CDH17: variants seen among roughly 807,000 people sequenced by gnomAD.
CDH17 encodes cadherin-17.
In CDH17, 67 loss-of-function variants were observed where a neutral mutation model predicts 86.3. That is an observed-to-expected ratio of 0.78 (90% CI 0.64 to 0.95). The LOEUF is 0.95. Ranked by LOEUF, CDH17 falls within the 40% of genes least tolerant of loss-of-function variation. The pLI, the probability that CDH17 is intolerant of heterozygous loss-of-function variation, is 0.00. For missense variants in CDH17, 993 were observed against 1,017.6 expected, an observed-to-expected ratio of 0.98 and a Z score of 0.33; for synonymous variants, 367 against 366.4, an observed-to-expected ratio of 1.00 and a Z score of -0.02.
chr8:94,209,128 C>T (rs1431603828), upstream of CDH17, among the ~76,000 whole-genome samples: 19 of 152,192 alleles, frequency 1.2e-4, no homozygotes, highest in East Asian at 3.5e-3. Flanking sequence ...AGCAAATTTC[C>T]CCCAAACACA....
intron 10 of CDH17, among the ~76,000 whole-genome samples, chr8:94,164,420 T>C (rs565326141): frequency 1.3e-5 from 2 of 152,344 alleles, no homozygotes; most frequent in East Asian, 1.9e-4. Flanking sequence ...AATAGGTAAA[T>C]GCAGAATAAC....
intron 2 of CDH17, among the ~76,000 whole-genome samples, chr8:94,194,385 A>C (rs1019496091): frequency 2.0e-5 from 3 of 152,212 alleles, no homozygotes; most frequent in Admixed American, 1.3e-4. Context: ...AACATTACCC[A>C]TAACTGGTGT....
chr8:94,192,481 T>C (rs1813706921), intron 2 of CDH17, among the ~76,000 whole-genome samples: 1 of 152,178 alleles, frequency 6.6e-6, no homozygotes, highest in Admixed American at 6.5e-5. Context: ...ATGAAGAAAG[T>C]ATCTCCAGAG....
upstream of CDH17, among the ~76,000 whole-genome samples, chr8:94,209,415 C>G (rs1814086630): frequency 6.6e-6 from 1 of 152,166 alleles, no homozygotes; most frequent in African/African-American, 2.4e-5. Flanking sequence ...CTTGGCTTCT[C>G]CTGAGCTGAG....
intron 14 of CDH17, 136 bp downstream of exon 14, chr8:94,148,608 C>G: frequency 2.1e-6 from 1 of 484,856 alleles, no homozygotes; most frequent in East Asian, 4.4e-5. Context: ...GTACCCTTCT[C>G]ATCCTTCCAC....
intron 15 of CDH17, among the ~76,000 whole-genome samples, chr8:94,140,731 A>G (rs1316009835): frequency 1.3e-5 from 2 of 152,212 alleles, no homozygotes; most frequent in Non-Finnish European, 2.9e-5. Flanking sequence ...ATATCACTAC[A>G]TATTCTACAG....
chr8:94,200,537 GTTT>G (rs10600702), intron 1 of CDH17, among the ~76,000 whole-genome samples: 55 of 56,936 alleles, frequency 9.7e-4, no homozygotes, highest in East Asian at 3.6e-3. Flanking sequence ...ATTATCTTTT[GTTT>G]TTTTTTTTTT....
intron 3 of CDH17, among the ~76,000 whole-genome samples, chr8:94,184,982 C>T (rs1485259834): frequency 1.3e-5 from 2 of 152,096 alleles, no homozygotes; most frequent in Admixed American, 6.6e-5. Flanking sequence ...TCCTCCCCAC[C>T]ACTGAAGCAA....
rs780528050 is a variant in CDH17, at chr8:94,177,701, A to G, written c.171T>C (p.Ala57=). ...TCTCCCCAGTTAGTTCAAAAGTCAC[A>G]GCAGGAGGATTGGCCTTAAACTGGG... ...IIFQFKANPP[A]VTFELTGETD... Residue 57 remains alanine, a synonymous_variant, in exon 4 of 18, where the codon GCT becomes GCC. Coordinates refer to ENST00000027335, the MANE Select transcript of CDH17 (RefSeq NM_004063.4). 1.3e-5 allele frequency: 21 copies of G among 1,613,804 alleles called. No homozygotes were observed. The highest frequency in any genetic ancestry group is 3.4e-6 in the Non-Finnish European group (4 of 1,179,796).
intron 9 of CDH17, among the ~76,000 whole-genome samples, chr8:94,168,298 G>A (rs1813204703): frequency 1.9e-5 from 2 of 104,836 alleles, no homozygotes; most frequent in Admixed American, 2.0e-4. Context: ...GGTAATTTTT[G>A]CAGTTTTTTT....
chr8:94,182,183 G>A (rs1299577542), intron 3 of CDH17, among the ~76,000 whole-genome samples: 1 of 152,048 alleles, frequency 6.6e-6, no homozygotes, highest in East Asian at 1.9e-4. Context: ...CTTCACTAGT[G>A]AATTGTACCT....
chr8:94,152,629 C>G (rs531322363), intron 12 of CDH17, among the ~76,000 whole-genome samples: 37 of 152,280 alleles, frequency 2.4e-4, no homozygotes, highest in Middle Eastern at 3.4e-3. Context: ...AATTCCTTAC[C>G]TCAAGTGATC....
At chr8:94,152,225 G>A (rs527871049) in intron 12 of CDH17, 113 bp from the exon 13 acceptor site, 3 of 1,106,506 alleles carry the variant, frequency 2.7e-6, no homozygotes, top group African/African-American at 1.6e-5. Context: ...TGGAAAAACT[G>A]GATATCCACA....
chr8:94,191,832 T>G (rs1340101241), intron 2 of CDH17, among the ~76,000 whole-genome samples: 1 of 152,168 alleles, frequency 6.6e-6, no homozygotes, highest in Non-Finnish European at 1.5e-5. Context: ...TTATCTTCCT[T>G]TGGGAGGTCT....
At chr8:94,159,194 G>T (rs1039886078) in intron 12 of CDH17, among the ~76,000 whole-genome samples, 1 of 152,104 alleles carries the variant, frequency 6.6e-6, no homozygotes, top group African/African-American at 2.4e-5. Context: ...GGTATACATG[G>T]CAGGGGACAG....
Position 94,170,930 on chromosome 8 carries a change from G to A in CDH17, c.839C>T (p.Pro280Leu). Residue 280 changes from proline to leucine, a missense_variant, in exon 8 of 18, where the codon CCA becomes CTA. Physicochemically the swap from Pro to Leu is moderately conservative, Grantham distance 98. Coordinates refer to ENST00000027335, the MANE Select transcript of CDH17 (RefSeq NM_004063.4). The part of the protein sequence containing the change: ...QYSLVDKEKL[P>L]RFPFSIDQEG... ...CTGGTCAATTGAAAATGGGAATCTT[G>A]GCAGCTTCTCTTTGTCAACTAAGGA... is the stretch of plus-strand genomic sequence containing the variant. 6.2e-7 allele frequency: 1 copy of A among 1,613,678 alleles called. No homozygotes were observed. The highest frequency in any genetic ancestry group is 8.5e-7 in the Non-Finnish European group (1 of 1,179,804).
At chr8:94,182,734 A>G (rs1348431453) in intron 3 of CDH17, among the ~76,000 whole-genome samples, 1 of 152,114 alleles carries the variant, frequency 6.6e-6, no homozygotes, top group Admixed American at 6.6e-5. Flanking sequence ...TGCCACTTCT[A>G]TTTAACATTG....
chr8:94,130,612 G>C lies in CDH17; in HGVS notation c.2398+14C>G, dbSNP rs1054687782. Reference sequence around the variant, plus strand: ...CCCAGGATAAGACTCTTTGAATTAAGAAATTACACTCACCAATCACCAGAA... The same window carrying C: ...CCCAGGATAAGACTCTTTGAATTAACAAATTACACTCACCAATCACCAGAA... On this transcript the variant is annotated intron_variant, in intron 17 of 17. Coordinates refer to ENST00000027335, the MANE Select transcript of CDH17 (RefSeq NM_004063.4). 6 of 1,547,834 alleles carry C rather than the reference G, an allele frequency of 3.9e-6. No individual in the cohort carries two copies. The highest frequency in any genetic ancestry group is 1.7e-4 in the Middle Eastern group (1 of 5,900).
chr8:94,131,076 A>G (rs1319325602), intron 15 of CDH17, 84 bp from the exon 16 acceptor site: 1 of 749,568 alleles, frequency 1.3e-6, no homozygotes, highest in Non-Finnish European at 2.3e-6. Flanking sequence ...TCACATACTA[A>G]GGTTGACTGG....
Sources: gnomAD v4.1 joint callset for allele counts (sites outside exome capture counted in the v4.1 genomes callset) on GRCh38, gnomAD v4.1.1 for gene constraint, MANE v1.5 for transcripts, NCBI Gene and HGNC (gene_info 2026-07-23, HGNC 2026-07-21) for gene names.